GALNTL6: variants seen among roughly 807,000 people sequenced by gnomAD.
GALNTL6 encodes polypeptide N-acetylgalactosaminyltransferase like 6.
In GALNTL6, 46 loss-of-function variants were observed where a neutral mutation model predicts 73.7. That is an observed-to-expected ratio of 0.62 (90% CI 0.49 to 0.80). The LOEUF is 0.80. GALNTL6 is among the 30% of genes least tolerant of loss of function. The probability of loss-of-function intolerance (pLI) is 0.00; values close to 1 mark genes in which losing one functional copy is unlikely to be tolerated. For synonymous variants in GALNTL6, 259 were observed against 263.7 expected (o/e 0.98, Z 0.17); for missense variants, 604 against 755.0 (o/e 0.80, Z 2.34).
At chr4:172,040,867 T>C (rs966387627) in intron 2 of GALNTL6, among the ~76,000 whole-genome samples, 4 of 152,128 alleles carry the variant, frequency 2.6e-5, no homozygotes, top group African/African-American at 9.6e-5. Context: ...TATCTATTGA[T>C]GACTTGCAAC....
intron 3 of GALNTL6, among the ~76,000 whole-genome samples, chr4:172,284,535 T>C (rs1739181500): frequency 6.6e-6 from 1 of 150,704 alleles, no homozygotes; most frequent in Non-Finnish European, 1.5e-5. Context: ...TGTGCTCTTA[T>C]GGTCTTAGTC....
chr4:172,163,393 T>G (rs1481007904), intron 2 of GALNTL6, among the ~76,000 whole-genome samples: 2 of 152,012 alleles, frequency 1.3e-5, no homozygotes, highest in Non-Finnish European at 2.9e-5. Flanking sequence ...CAAACATAGA[T>G]AACTCTGTAA....
chr4:172,964,868 G>A (rs1054649871), intron 10 of GALNTL6, among the ~76,000 whole-genome samples: 5 of 152,204 alleles, frequency 3.3e-5, no homozygotes, highest in South Asian at 4.1e-4. Context: ...CACAACGAGC[G>A]AGGCTCCCTC....
intron 5 of GALNTL6, among the ~76,000 whole-genome samples, chr4:172,786,306 A>G (rs1454344844): frequency 1.3e-5 from 2 of 152,210 alleles, no homozygotes; most frequent in African/African-American, 4.8e-5. Flanking sequence ...TCTATGAAGT[A>G]GTTTGCAAAA....
intron 5 of GALNTL6, among the ~76,000 whole-genome samples, chr4:172,657,810 T>C (rs924844852): frequency 3.9e-5 from 6 of 152,084 alleles, no homozygotes; most frequent in African/African-American, 9.7e-5. Context: ...GATATGGCTA[T>C]GTATAAACCC....
chr4:172,051,878 C>G (rs1730883464), intron 2 of GALNTL6, among the ~76,000 whole-genome samples: 1 of 152,118 alleles, frequency 6.6e-6, no homozygotes, highest in African/African-American at 2.4e-5. Context: ...ACCTTGGGAA[C>G]TGACAAAGCA....
At chr4:172,532,577 C>G (rs1735202803) in intron 5 of GALNTL6, among the ~76,000 whole-genome samples, 1 of 152,130 alleles carries the variant, frequency 6.6e-6, no homozygotes, top group African/African-American at 2.4e-5. Context: ...CATTCTTTTC[C>G]ACAAATAATC....
chr4:172,612,546 G>A (rs1009968483), intron 5 of GALNTL6, among the ~76,000 whole-genome samples: 3 of 151,964 alleles, frequency 2.0e-5, no homozygotes, highest in Admixed American at 6.6e-5. Flanking sequence ...ATTAAGTCAC[G>A]TGGTCATCCT....
intron 2 of GALNTL6, among the ~76,000 whole-genome samples, chr4:171,884,361 T>C (rs1290766212): frequency 6.6e-6 from 1 of 152,166 alleles, no homozygotes; most frequent in Non-Finnish European, 1.5e-5. Flanking sequence ...TTAAGTTCTT[T>C]ACATGCATTA....
At chr4:173,005,430 G>C (rs1441404079) in intron 10 of GALNTL6, among the ~76,000 whole-genome samples, 1 of 152,114 alleles carries the variant, frequency 6.6e-6, no homozygotes, top group Non-Finnish European at 1.5e-5. Flanking sequence ...CTAAGTTTGG[G>C]CCCATGTGTA....
intron 10 of GALNTL6, among the ~76,000 whole-genome samples, chr4:172,953,202 T>A (rs1749545208): frequency 6.6e-6 from 1 of 152,226 alleles, no homozygotes; most frequent in Non-Finnish European, 1.5e-5. Context: ...ATTTAAAATA[T>A]CTATCTTTTG....
intron 5 of GALNTL6, among the ~76,000 whole-genome samples, chr4:172,588,091 G>A (rs1225470405): frequency 6.6e-6 from 1 of 152,048 alleles, no homozygotes; most frequent in Non-Finnish European, 1.5e-5. Context: ...AAGCAACGTA[G>A]CATAATGAGA....
rs771188930 is a variant in GALNTL6 at position 171,881,793 on chromosome 4, C to CA, written c.138+67081dup. 1.5e-4 allele frequency among the ~76,000 whole-genome samples: 23 copies of CA among 152,112 alleles called. No homozygotes were observed. In the East Asian group the frequency reaches 3.9e-3, roughly 26 times the overall value. ...TCTTCCAATTTTTCCTTTTCTGAGG[C>CA]AAAAAACCTTCATGGTTTCACCTTA... On this transcript the variant is annotated intron_variant, in intron 2 of 12. Coordinates refer to ENST00000506823, the MANE Select transcript of GALNTL6 (RefSeq NM_001034845.3).
At chr4:172,948,001 G>A (rs1749257907) in intron 9 of GALNTL6, among the ~76,000 whole-genome samples, 1 of 152,172 alleles carries the variant, frequency 6.6e-6, no homozygotes, top group South Asian at 2.1e-4. Context: ...TATGATTCCA[G>A]TGACAAACTA....
At chr4:172,254,778 C>A (rs1380233825) in intron 3 of GALNTL6, among the ~76,000 whole-genome samples, 1 of 151,648 alleles carries the variant, frequency 6.6e-6, no homozygotes, top group Non-Finnish European at 1.5e-5. Flanking sequence ...GTAAGTCTGG[C>A]ACCTGTTAAA....
intron 2 of GALNTL6, among the ~76,000 whole-genome samples, chr4:171,853,012 A>ATTTTTTTT (rs765984611): frequency 5.9e-4 from 51 of 86,820 alleles, no homozygotes; most frequent in Non-Finnish European, 6.5e-4. Flanking sequence ...CGCCCGGCTA[A>ATTTTTTTT]TTTTTTTTTT....
chr4:172,062,580 A>G (rs575304491), intron 2 of GALNTL6, among the ~76,000 whole-genome samples: 2 of 152,244 alleles, frequency 1.3e-5, no homozygotes, highest in Non-Finnish European at 2.9e-5. Context: ...ATTAAAGGCT[A>G]TCGATAAATT....
At chr4:172,131,764 T>A (rs1431925853) in intron 2 of GALNTL6, among the ~76,000 whole-genome samples, 1 of 151,760 alleles carries the variant, frequency 6.6e-6, no homozygotes, top group Non-Finnish European at 1.5e-5. Flanking sequence ...GTAGAGATTG[T>A]TTGAGTTTTT....
intron 3 of GALNTL6, among the ~76,000 whole-genome samples, chr4:172,236,126 C>T (rs1309889644): frequency 6.6e-6 from 1 of 152,104 alleles, no homozygotes; most frequent in Non-Finnish European, 1.5e-5. Flanking sequence ...AACTACATTG[C>T]ACTGCTGTGT....
Sources: gnomAD v4.1 joint callset for allele counts (sites outside exome capture counted in the v4.1 genomes callset) on GRCh38, gnomAD v4.1.1 for gene constraint, MANE v1.5 for transcripts, NCBI Gene and HGNC (gene_info 2026-07-23, HGNC 2026-07-21) for gene names.